The following MAN2A1 variants were observed in gnomAD, a reference collection of about 807,000 sequenced individuals.
The protein encoded by MAN2A1 is alpha-mannosidase 2.
In MAN2A1, 76 loss-of-function variants were observed where a neutral mutation model predicts 142.6. The observed-to-expected ratio is 0.53, with a 90% CI of 0.44 to 0.65. The LOEUF (loss-of-function observed/expected upper bound fraction) is 0.65, where lower values mean the gene tolerates loss of function less well. MAN2A1 is among the 30% of genes least tolerant of loss of function. The probability of loss-of-function intolerance (pLI) is 0.00; values close to 1 mark genes in which losing one functional copy is unlikely to be tolerated. For synonymous variants in MAN2A1, 559 were observed against 473.2 expected, an observed-to-expected ratio of 1.18 and a Z score of -2.35; for missense variants, 1,311 against 1,365.1, an observed-to-expected ratio of 0.96 and a Z score of 0.62.
At chr5:109,726,417 G>C (rs1206504874) in intron 3 of MAN2A1, among the ~76,000 whole-genome samples, 1 of 152,174 alleles carries the variant, frequency 6.6e-6, no homozygotes, top group African/African-American at 2.4e-5. Context: ...ACTGAAAGCT[G>C]CAAGAGGCTA....
intron 7 of MAN2A1, among the ~76,000 whole-genome samples, chr5:109,771,579 T>A (rs1753146644): frequency 6.6e-6 from 1 of 152,180 alleles, no homozygotes; most frequent in African/African-American, 2.4e-5. Flanking sequence ...TTGATTTCAT[T>A]TTCTTGGTTC....
intron 10 of MAN2A1, among the ~76,000 whole-genome samples, chr5:109,785,534 G>T (rs1034599806): frequency 6.6e-6 from 1 of 152,068 alleles, no homozygotes; most frequent in Non-Finnish European, 1.5e-5. Context: ...GGGCAAGGGA[G>T]TAGAAGCTAA....
intron 8 of MAN2A1, among the ~76,000 whole-genome samples, chr5:109,777,922 C>T (rs1753340071): frequency 2.0e-5 from 3 of 152,048 alleles, no homozygotes; most frequent in Admixed American, 6.6e-5. Flanking sequence ...GTCTGTTTGA[C>T]TCATCTCACA....
chr5:109,827,649 C>T (rs1260448560), intron 16 of MAN2A1, among the ~76,000 whole-genome samples: 1 of 152,214 alleles, frequency 6.6e-6, no homozygotes, highest in African/African-American at 2.4e-5. Flanking sequence ...TTGAAGGGCT[C>T]TCTCTTTCTT....
rs1043485997 is a variant in MAN2A1, at chr5:109,805,963, G to T, written c.1944-11310G>T. Among the ~76,000 whole-genome samples, 9 of 152,126 alleles carry T rather than the reference G, an allele frequency of 5.9e-5. 1 individual carries two copies. The highest frequency in any genetic ancestry group is 1.9e-4 in the African/African-American group (8 of 41,436). Reference sequence around the variant, plus strand: ...CACCTCTTACAGAAATTCAGAACTGGGTAGTGAAACAACCGCTTGTGTTGT... The same window carrying T: ...CACCTCTTACAGAAATTCAGAACTGTGTAGTGAAACAACCGCTTGTGTTGT... On this transcript the variant is annotated intron_variant, in intron 12 of 21. Transcript: ENST00000261483.
At chr5:109,839,609 C>G (rs750438979) in intron 16 of MAN2A1, among the ~76,000 whole-genome samples, 1 of 145,512 alleles carries the variant, frequency 6.9e-6, no homozygotes, top group Non-Finnish European at 1.5e-5. Flanking sequence ...CCCAGGAGTT[C>G]GAGGCCAGCC....
intron 12 of MAN2A1, among the ~76,000 whole-genome samples, chr5:109,791,948 T>C (rs1181880562): frequency 6.6e-6 from 1 of 152,132 alleles, no homozygotes; most frequent in Non-Finnish European, 1.5e-5. Context: ...TAGTCCAAGA[T>C]CTGTTTAAAG....
intron 17 of MAN2A1, among the ~76,000 whole-genome samples, chr5:109,845,505 A>C (rs1755323189): frequency 6.6e-6 from 1 of 152,204 alleles, no homozygotes. Context: ...CATTCATTAC[A>C]AAAGCAGTTT....
At chr5:109,754,830 CG>C (rs1225540932) in intron 4 of MAN2A1, among the ~76,000 whole-genome samples, 1 of 152,172 alleles carries the variant, frequency 6.6e-6, no homozygotes, top group Non-Finnish European at 1.5e-5. Context: ...GGAGAAACCA[CG>C]TCTCTACCAA....
chr5:109,826,651 G>A (rs1027983576), intron 16 of MAN2A1, among the ~76,000 whole-genome samples: 1 of 152,136 alleles, frequency 6.6e-6, no homozygotes, highest in African/African-American at 2.4e-5. Flanking sequence ...CTGAACACTC[G>A]GGTTGTCTCA....
chr5:109,738,080 A>C (rs758123852), intron 4 of MAN2A1, among the ~76,000 whole-genome samples: 3 of 152,138 alleles, frequency 2.0e-5, no homozygotes, highest in Non-Finnish European at 4.4e-5. Flanking sequence ...TTGGAGACTA[A>C]ATTGTGCATA....
At chr5:109,766,750 C>T (rs1582876098) in intron 5 of MAN2A1, among the ~76,000 whole-genome samples, 2 of 152,284 alleles carry the variant, frequency 1.3e-5, no homozygotes, top group Middle Eastern at 3.4e-3. Context: ...TAAGTAGACA[C>T]TTTATTTGAG....
chr5:109,703,734 G>C (rs1176966198), intron 1 of MAN2A1, among the ~76,000 whole-genome samples: 1 of 152,146 alleles, frequency 6.6e-6, no homozygotes, highest in African/African-American at 2.4e-5. Context: ...GGATTTGTAA[G>C]TAATAAAACT....
chr5:109,865,423 G>T, intron 21 of MAN2A1: 1 of 381,592 alleles, frequency 2.6e-6, no homozygotes, highest in Non-Finnish European at 4.9e-6. Flanking sequence ...CCTACAAAGT[G>T]CCTTGCTCCC....
chr5:109,838,624 CT>C (rs1455403500), intron 16 of MAN2A1, among the ~76,000 whole-genome samples: 1 of 152,184 alleles, frequency 6.6e-6, no homozygotes, highest in African/African-American at 2.4e-5. Flanking sequence ...ATATACTGAT[CT>C]TTAAAAAAAT....
intron 19 of MAN2A1, among the ~76,000 whole-genome samples, chr5:109,850,425 C>T (rs962870263): frequency 6.6e-6 from 1 of 151,948 alleles, no homozygotes; most frequent in African/African-American, 2.4e-5. Flanking sequence ...AATGAAATAG[C>T]AACAGCTAAT....
chr5:109,815,506 T>C (rs945913766), intron 12 of MAN2A1, among the ~76,000 whole-genome samples: 1 of 152,224 alleles, frequency 6.6e-6, no homozygotes, highest in Non-Finnish European at 1.5e-5. Context: ...TCCTGATGCA[T>C]ACTGTAAGCC....
chr5:109,843,228 C>CTT (rs1029607306), intron 17 of MAN2A1, among the ~76,000 whole-genome samples: 4 of 152,176 alleles, frequency 2.6e-5, no homozygotes, highest in Admixed American at 2.6e-4. Context: ...CCTCAGGAAA[C>CTT]TTACAATCGT....
intron 20 of MAN2A1, among the ~76,000 whole-genome samples, chr5:109,855,784 A>T (rs1161363671): frequency 6.6e-6 from 1 of 152,238 alleles, no homozygotes; most frequent in Non-Finnish European, 1.5e-5. Flanking sequence ...TATTAGAGGA[A>T]AAGCATGGGG....
Sources: gnomAD v4.1 joint callset for allele counts (sites outside exome capture counted in the v4.1 genomes callset) on GRCh38, gnomAD v4.1.1 for gene constraint, MANE v1.5 for transcripts, NCBI Gene and HGNC (gene_info 2026-07-23, HGNC 2026-07-21) for gene names.